Variants in TTLL5 observed in about 807,000 individuals in gnomAD.
The protein encoded by TTLL5 is tubulin polyglutamylase TTLL5.
A neutral mutation model predicts 168.4 loss-of-function variants in TTLL5; 132 were observed. That is an observed-to-expected ratio of 0.78 (90% CI 0.68 to 0.91). The LOEUF (loss-of-function observed/expected upper bound fraction) is 0.91. Ranked by LOEUF, TTLL5 falls within the 40% of genes least tolerant of loss-of-function variation. The pLI is 0.00. For synonymous variants in TTLL5, 546 were observed against 558.6 expected (o/e 0.98, Z 0.32); for missense variants, 1,545 against 1,581.5 (o/e 0.98, Z 0.39).
At chr14:75,752,418 A>T (rs1349459070) in intron 17 of TTLL5, among the ~76,000 whole-genome samples, 1 of 152,212 alleles carries the variant, frequency 6.6e-6, no homozygotes, top group Non-Finnish European at 1.5e-5. Flanking sequence ...TTTGGAAGAG[A>T]AAGTATTTGC....
chr14:75,925,436 TCCTCACATCCCAGACGGGGCGGC>T (rs2034010890), intron 31 of TTLL5, among the ~76,000 whole-genome samples: 1 of 131,164 alleles, frequency 7.6e-6, no homozygotes, highest in Non-Finnish European at 1.6e-5. Context: ...GCAGAGGCGC[TCCTCACATCCCAGACGGGGCGGC>T]GGGGCAGAGG....
chr14:75,935,008 G>A (rs988377343), intron 31 of TTLL5, among the ~76,000 whole-genome samples: 2 of 152,174 alleles, frequency 1.3e-5, no homozygotes, highest in African/African-American at 4.8e-5. Flanking sequence ...GAACTAATAG[G>A]AAGAACTTTA....
intron 28 of TTLL5, among the ~76,000 whole-genome samples, chr14:75,857,931 G>GT (rs1296032423): frequency 6.6e-6 from 1 of 152,012 alleles, no homozygotes; most frequent in Non-Finnish European, 1.5e-5. Flanking sequence ...GATTACAGGA[G>GT]TGAGCCACCA....
intron 14 of TTLL5, 60 bp downstream of exon 14, chr14:75,734,110 A>G: frequency 6.5e-7 from 1 of 1,544,070 alleles, no homozygotes; most frequent in Non-Finnish European, 9.0e-7. Flanking sequence ...CGTCCATTTT[A>G]TCAGACTCCA....
chr14:75,671,773 A>G (rs1883771731), intron 3 of TTLL5, among the ~76,000 whole-genome samples: 1 of 152,084 alleles, frequency 6.6e-6, no homozygotes, highest in African/African-American at 2.4e-5. Context: ...TATTAGCTCT[A>G]ATAGTTTTTG....
chr14:75,912,311 C>T (rs2033425846), intron 31 of TTLL5, among the ~76,000 whole-genome samples: 1 of 152,172 alleles, frequency 6.6e-6, no homozygotes, highest in South Asian at 2.1e-4. Flanking sequence ...TGGGTGGCAG[C>T]TGCCTTCCAG....
chr14:75,677,939 T>C (rs1180817699), intron 3 of TTLL5, among the ~76,000 whole-genome samples: 1 of 152,082 alleles, frequency 6.6e-6, no homozygotes. Context: ...GACTTGTTAT[T>C]ATTCCCCCTT....
At chr14:75,668,086 TG>T (rs1883430503) in intron 2 of TTLL5, among the ~76,000 whole-genome samples, 1 of 152,050 alleles carries the variant, frequency 6.6e-6, no homozygotes, top group South Asian at 2.1e-4. Context: ...AAAGTTGGAT[TG>T]GGAGGGGCTG....
At chr14:75,689,996 T>C in intron 5 of TTLL5, 196 bp from the exon 6 acceptor site, 1 of 529,430 alleles carries the variant, frequency 1.9e-6, no homozygotes, top group Admixed American at 4.4e-5. Context: ...TTTATCTTAA[T>C]GAAAAAATCT....
intron 29 of TTLL5, among the ~76,000 whole-genome samples, chr14:75,869,423 T>A (rs576171289): frequency 6.0e-4 from 92 of 152,342 alleles, no homozygotes; most frequent in Middle Eastern, 3.4e-3. Context: ...ATTCAAACTT[T>A]TAAAACCTCA....
chr14:75,790,516 G>A (rs1214035843), intron 26 of TTLL5, among the ~76,000 whole-genome samples: 1 of 151,034 alleles, frequency 6.6e-6, no homozygotes, highest in Non-Finnish European at 1.5e-5. Context: ...CTGTCACCCA[G>A]GCTGGAGTTT....
At chr14:75,811,165 G>GTGTGTT (rs1893985548) in intron 27 of TTLL5, among the ~76,000 whole-genome samples, 1 of 140,932 alleles carries the variant, frequency 7.1e-6, no homozygotes, top group African/African-American at 2.8e-5. Context: ...GAGTGTGTGT[G>GTGTGTT]TGTGTGTGTG....
intron 30 of TTLL5, chr14:75,886,852 A>G: frequency 6.6e-7 from 1 of 1,517,248 alleles, no homozygotes; most frequent in Non-Finnish European, 8.8e-7. Context: ...CTCTCCAGGA[A>G]ATATGGAGAA....
At chr14:75,749,022 T>C (rs2140267636) in intron 17 of TTLL5, among the ~76,000 whole-genome samples, 1 of 152,332 alleles carries the variant, frequency 6.6e-6, no homozygotes, top group South Asian at 2.1e-4. Context: ...AAAACCTAGC[T>C]GTTCATAGAG....
In TTLL5 at chr14:75,745,520, A is replaced by G. The variant is rs1344318163; in HGVS notation, c.1426A>G (p.Asn476Asp). The change falls in exon 17 of 32, where the codon AAT becomes GAT. Residue 476 changes from asparagine to aspartate, a missense_variant. Coordinates refer to ENST00000298832, the MANE Select transcript of TTLL5 (RefSeq NM_015072.5). ...IKVLRRVKEE[N>D]DRRGGFIRIF... Reference sequence around the variant, plus strand: ...AGTTTTACGAAGGGTGAAGGAGGAGAATGATCGGCGAGGTGGATTTATTCG... The same window carrying G: ...AGTTTTACGAAGGGTGAAGGAGGAGGATGATCGGCGAGGTGGATTTATTCG... 3 of 1,613,768 alleles carry G rather than the reference A, an allele frequency of 1.9e-6. No homozygotes were observed. The African/African-American group carries it at 4.0e-5, about 22-fold the overall frequency.
At chr14:75,825,678 A>C (rs559020312) in intron 28 of TTLL5, among the ~76,000 whole-genome samples, 2 of 152,210 alleles carry the variant, frequency 1.3e-5, no homozygotes, top group South Asian at 4.2e-4. Flanking sequence ...GGGGGGACTA[A>C]AAAAAATTCA....
chr14:75,710,428 A>G (rs1242241852), intron 9 of TTLL5: 1 of 152,022 alleles, frequency 6.6e-6, no homozygotes, highest in Non-Finnish European at 1.5e-5. Flanking sequence ...ACACACACAC[A>G]CACACACACA....
At chr14:75,731,754 GTCT>G (rs1888560161) in intron 12 of TTLL5, among the ~76,000 whole-genome samples, 2 of 152,154 alleles carry the variant, frequency 1.3e-5, no homozygotes, top group South Asian at 4.1e-4. Flanking sequence ...TTTATTTTCT[GTCT>G]TCAAAGGGAA....
chr14:75,761,678 G>A (rs933573635), intron 18 of TTLL5, among the ~76,000 whole-genome samples: 3 of 152,206 alleles, frequency 2.0e-5, no homozygotes, highest in Non-Finnish European at 4.4e-5. Flanking sequence ...CCTTTAGGAC[G>A]TTAGGGAAGG....
Sources: gnomAD v4.1 joint callset for allele counts (sites outside exome capture counted in the v4.1 genomes callset) on GRCh38, gnomAD v4.1.1 for gene constraint, MANE v1.5 for transcripts, NCBI Gene and HGNC (gene_info 2026-07-23, HGNC 2026-07-21) for gene names.